Variants in CDH12 observed in about 807,000 individuals in gnomAD.
CDH12 encodes cadherin-12.
CDH12 carries 41 observed loss-of-function variants against 74.1 expected under a neutral mutation model. That is an observed-to-expected ratio of 0.55 (90% CI 0.43 to 0.72). CDH12 has a LOEUF of 0.72. CDH12 is among the 30% of genes least tolerant of loss of function. The pLI is 0.00. For synonymous variants in CDH12, 399 were observed against 355.0 expected (o/e 1.12, Z -1.39); for missense variants, 945 against 977.2 (o/e 0.97, Z 0.44).
At chr5:22,636,278 T>TAG (rs112637479) in intron 1 of CDH12, among the ~76,000 whole-genome samples, 10,557 of 152,208 alleles carry the variant, frequency 0.069, 447 homozygotes, top group East Asian at 0.24. Context: ...TTCTTAAACA[T>TAG]AGTTGCCTAT....
chr5:21,780,744 T>G (rs921188276), intron 11 of CDH12, among the ~76,000 whole-genome samples: 6 of 152,286 alleles, frequency 3.9e-5, no homozygotes, highest in African/African-American at 1.4e-4. Flanking sequence ...GGTCTTCTAT[T>G]CTGTAACTTA....
In CDH12 at chr5:22,821,341, C is replaced by T. The variant is rs1409387392; in HGVS notation, c.-523+31717G>A. Among the ~76,000 whole-genome samples the T allele has an allele frequency of 6.6e-5, 10 of 152,250 alleles. No homozygotes were observed. In the East Asian group the frequency reaches 1.4e-3, roughly 21 times the overall value. ...AACCGGCACAAGACAGGGATGCCCT[C>T]TCTCACCACTCCTATTCAACATAGT... is the stretch of plus-strand genomic sequence containing the variant. On this transcript the variant is annotated intron_variant, in intron 1 of 14. Coordinates refer to ENST00000382254, the MANE Select transcript of CDH12 (RefSeq NM_004061.5).
chr5:22,370,451 G>T (rs914220562), intron 3 of CDH12, among the ~76,000 whole-genome samples: 10 of 152,210 alleles, frequency 6.6e-5, no homozygotes, highest in Non-Finnish European at 1.2e-4. Flanking sequence ...GTAATTTTTT[G>T]TGTGAATAAA....
chr5:22,540,173 A>T (rs1738036968), intron 1 of CDH12, among the ~76,000 whole-genome samples: 1 of 152,106 alleles, frequency 6.6e-6, no homozygotes, highest in African/African-American at 2.4e-5. Context: ...ATCACACAAA[A>T]TTGAGGGATA....
intron 3 of CDH12, among the ~76,000 whole-genome samples, chr5:22,309,154 T>C (rs1738273202): frequency 6.6e-6 from 1 of 152,118 alleles, no homozygotes; most frequent in Non-Finnish European, 1.5e-5. Flanking sequence ...AGCTAATATA[T>C]TGAGGCTGGC....
chr5:21,778,330 T>C (rs1420985019), intron 11 of CDH12, among the ~76,000 whole-genome samples: 1 of 152,108 alleles, frequency 6.6e-6, no homozygotes, highest in East Asian at 1.9e-4. Flanking sequence ...AAGGATCAGA[T>C]GAGTTAATGC....
chr5:22,830,786 T>G (rs1373466541), intron 1 of CDH12, among the ~76,000 whole-genome samples: 1 of 151,690 alleles, frequency 6.6e-6, no homozygotes, highest in Non-Finnish European at 1.5e-5. Context: ...TTTTAATATA[T>G]TCCATTAGAG....
chr5:22,484,798 T>C (rs1038437881), intron 2 of CDH12, among the ~76,000 whole-genome samples: 8 of 152,216 alleles, frequency 5.3e-5, no homozygotes, highest in Non-Finnish European at 8.8e-5. Context: ...CAAATATGTT[T>C]CTTCAAATTA....
chr5:22,093,027 G>A (rs1221354014), intron 4 of CDH12, among the ~76,000 whole-genome samples: 1 of 152,130 alleles, frequency 6.6e-6, no homozygotes, highest in Non-Finnish European at 1.5e-5. Flanking sequence ...ATCCCTTGCA[G>A]CATGGGGCTG....
chr5:22,580,572 G>A (rs750917491), intron 1 of CDH12: 41 of 466,302 alleles, frequency 8.8e-5, no homozygotes, highest in Non-Finnish European at 1.6e-4. Context: ...TGTGTCTTGT[G>A]CTCACTCCAT....
At chr5:22,547,858 T>C (rs903340191) in intron 1 of CDH12, among the ~76,000 whole-genome samples, 1 of 152,150 alleles carries the variant, frequency 6.6e-6, no homozygotes, top group Non-Finnish European at 1.5e-5. Context: ...GATGCAGTAA[T>C]GGAAATTCAG....
intron 1 of CDH12, among the ~76,000 whole-genome samples, chr5:22,767,548 G>A (rs894988294): frequency 6.6e-6 from 1 of 151,678 alleles, no homozygotes; most frequent in Non-Finnish European, 1.5e-5. Context: ...TGAAAAGAAA[G>A]GATGAACATT....
chr5:22,839,768 G>A (rs1379715226), intron 1 of CDH12, among the ~76,000 whole-genome samples: 2 of 152,180 alleles, frequency 1.3e-5, no homozygotes, highest in Non-Finnish European at 2.9e-5. Context: ...ACACGTGCTT[G>A]TATAAATGCA....
At chr5:22,070,497 G>A (rs1741867749) in intron 5 of CDH12, among the ~76,000 whole-genome samples, 1 of 152,084 alleles carries the variant, frequency 6.6e-6, no homozygotes, top group Middle Eastern at 3.2e-3. Flanking sequence ...TATTATGTGG[G>A]TGGGACACAC....
chr5:22,474,183 A>G (rs937752443), intron 2 of CDH12, among the ~76,000 whole-genome samples: 11 of 152,304 alleles, frequency 7.2e-5, no homozygotes, highest in African/African-American at 2.4e-4. Context: ...GGATGTAATA[A>G]TGCTGATGAC....
chr5:22,177,784 T>G (rs1392877564), intron 4 of CDH12, among the ~76,000 whole-genome samples: 1 of 152,110 alleles, frequency 6.6e-6, no homozygotes, highest in African/African-American at 2.4e-5. Context: ...CATGTGTTCT[T>G]TTCTCTAAAA....
intron 1 of CDH12, among the ~76,000 whole-genome samples, chr5:22,807,615 ACCTAGGCTATGTGTTACAGCCTATTGCT>A (rs1381921950): frequency 6.6e-6 from 1 of 152,206 alleles, no homozygotes; most frequent in African/African-American, 2.4e-5. Context: ...CCCACTACAT[ACCTAGGCTATGTGTTACAGCCTATTGCT>A]CCTAGGCTAC....
chr5:22,504,794 AC>A, intron 2 of CDH12, among the ~76,000 whole-genome samples: 1 of 152,162 alleles, frequency 6.6e-6, no homozygotes, highest in East Asian at 1.9e-4. Flanking sequence ...AAAATTTATG[AC>A]TTTATCTCTG....
chr5:22,821,255 A>G (rs1749684399), intron 1 of CDH12, among the ~76,000 whole-genome samples: 1 of 152,216 alleles, frequency 6.6e-6, no homozygotes. Context: ...AGAGCTATCT[A>G]TGACAAACCC....
Sources: allele counts gnomAD v4.1 joint callset (sites outside exome capture counted in the v4.1 genomes callset), GRCh38; gene constraint gnomAD v4.1.1; transcripts MANE v1.5; gene names NCBI Gene and HGNC (gene_info 2026-07-23, HGNC 2026-07-21).